DLL1: variants seen among roughly 807,000 people sequenced by gnomAD.
DLL1 encodes the protein delta-like protein 1.
DLL1 carries 9 observed loss-of-function variants against 75.1 expected under a neutral mutation model. The observed-to-expected ratio is 0.12, with a 90% CI of 0.07 to 0.21. The LOEUF (loss-of-function observed/expected upper bound fraction) is 0.21, where lower values mean the gene tolerates loss of function less well. Among genes scored for constraint, DLL1 ranks in the 10% least tolerant of loss-of-function variants. The pLI, the probability that DLL1 is intolerant of heterozygous loss-of-function variation, is 1.00. For synonymous variants in DLL1, 477 were observed against 418.3 expected, an observed-to-expected ratio of 1.14 and a Z score of -1.71; for missense variants, 837 against 1,007.6, an observed-to-expected ratio of 0.83 and a Z score of 2.29.
chr6:170,286,302 C>A lies in DLL1; in HGVS notation c.671-4G>T. On this transcript the variant is annotated splice_region_variant and splice_polypyrimidine_tract_variant and intron_variant, in intron 4 of 10. Coordinates refer to ENST00000366756, the MANE Select transcript of DLL1 (RefSeq NM_005618.4). The stretch of plus-strand genomic sequence containing the variant: ...TCACATCCAGGCAGGCAGATCGCTA[C>A]AAGCAAAGGAAAAACAGGGTCAAGC... The A allele has an allele frequency of 6.2e-7, 1 of 1,614,188 alleles. No individual in the cohort carries two copies. Among genetic ancestry groups the A allele is most frequent in the Non-Finnish European group, 8.5e-7 (1 of 1,180,040 alleles).
chr6:170,285,559 G>T lies in DLL1; in HGVS notation c.862+10C>A. On this transcript the variant is annotated intron_variant, in intron 6 of 10. Transcript: ENST00000366756. ...GAGGGAGCAGGCTGCCTCAGGGAGA[G>T]AAGGCTTACCCTGGTTGCAGAAAAG... The T allele has an allele frequency of 6.2e-7, 1 of 1,614,178 alleles. No homozygotes were observed. The highest frequency in any genetic ancestry group is 8.5e-7 in the Non-Finnish European group (1 of 1,180,030).
In DLL1 at chr6:170,283,909, G is replaced by C. The variant is rs770545429; in HGVS notation, c.1370C>G (p.Thr457Ser). 28 of 1,603,674 alleles carry C rather than the reference G, an allele frequency of 1.7e-5. No homozygotes were observed. The highest frequency in any genetic ancestry group is 2.3e-5 in the Non-Finnish European group (27 of 1,178,040). ...GAAGTCGTTCACGCCATCCCGGCAG[G>C]TGCCCCCGTTGGCGCACGGGGAGGA... ...CASSPCANGGTCRDGVNDFSC... is the reference protein window; with the variant it reads ...CASSPCANGGSCRDGVNDFSC... Residue 457 changes from threonine (T) to serine (S), a missense_variant, in exon 9 of 11, where the codon ACC becomes AGC. Transcript: ENST00000366756.
At chr6:170,289,114 TG>T in intron 2 of DLL1, 1 of 574,666 alleles carries the variant, frequency 1.7e-6, no homozygotes, top group Non-Finnish European at 3.1e-6. Flanking sequence ...TCATTTTTCT[TG>T]GGGGATGGGC....
rs375576760 is a variant in DLL1 at position 170,285,296 on chromosome 6, G to A, written c.990C>T (p.Asp330=). ...TCTTACAAGGGCTGGGGTCACACTC[G>A]TCAATCCCCAGCTCGCAGGTGGCAC... is the stretch of plus-strand genomic sequence containing the variant. ...YTGATCELGI[D]ECDPSPCKNG... Residue 330 remains aspartate, a synonymous_variant, in exon 7 of 11, where the codon GAC becomes GAT. Coordinates refer to ENST00000366756, the MANE Select transcript of DLL1 (RefSeq NM_005618.4). The A allele has an allele frequency of 1.9e-4, 299 of 1,614,156 alleles. No homozygotes were observed. The highest frequency in any genetic ancestry group is 1.4e-3 in the South Asian group (123 of 91,080).
intron 4 of DLL1, among the ~76,000 whole-genome samples, chr6:170,287,587 G>T (rs1374093615): frequency 6.6e-6 from 1 of 152,230 alleles, no homozygotes; most frequent in Non-Finnish European, 1.5e-5. Flanking sequence ...TAGAGCCTCT[G>T]TCACTATTGG....
In DLL1 at chr6:170,290,357, A is replaced by T; in HGVS notation, c.-218T>A. 2.3e-6 allele frequency: 1 copy of T among 442,176 alleles called. No individual in the cohort carries two copies. The allele number at this position is 442,176 out of a possible 1,614,324, so 27.4% of individuals were successfully genotyped here. The stretch of plus-strand genomic sequence containing the variant: ...TATCCGCCCTGCGAGGTCCCGCGGC[A>T]GCCCCAGGGATGCCCGAGGAAAGGC... On this transcript the variant is annotated 5_prime_UTR_variant, in exon 1 of 11. Transcript: ENST00000366756. This position sits in a 1 kb window ranked among gnomAD's most constrained non-coding sequence, Gnocchi z 4.7.
Position 170,290,219 on chromosome 6 carries a change from G to C in DLL1, c.-80C>G. ...GCGGCGGACGCGCGGGGGATCGATG[G>C]GCCACGGGGAGCGTGGGCAGAAAAG... On this transcript the variant is annotated 5_prime_UTR_variant, in exon 1 of 11. Coordinates refer to ENST00000366756, the MANE Select transcript of DLL1 (RefSeq NM_005618.4). The surrounding 1 kb of genome is among the most constrained non-coding windows in gnomAD (Gnocchi z 4.7). 1.3e-6 allele frequency: 2 copies of C among 1,536,636 alleles called. No homozygotes were observed. Among genetic ancestry groups the C allele is most frequent in the Non-Finnish European group, 1.8e-6 (2 of 1,138,290 alleles).
At chr6:170,285,759 T>G in intron 5 of DLL1, 60 bp from the exon 6 acceptor site, 1 of 1,608,594 alleles carries the variant, frequency 6.2e-7, no homozygotes, top group Non-Finnish European at 8.5e-7. Flanking sequence ...GCAGTGGACA[T>G]TCTCACCCTA....
rs1041828403 is a variant in DLL1, at chr6:170,290,516, AAG to A, written c.-379_-378del. ...CAGGAGAGGGAGGGGGAGAAAGAGA[AAG>A]AGAGAGAGTCCAGAGATTGAGCTTA... On this transcript the variant is annotated 5_prime_UTR_variant, in exon 1 of 11. Transcript: ENST00000366756. The surrounding 1 kb of genome is among the most constrained non-coding windows in gnomAD (Gnocchi z 4.7). 3 of 265,168 alleles carry A rather than the reference AAG, an allele frequency of 1.1e-5. No homozygotes were observed. Among genetic ancestry groups the A allele is most frequent in the South Asian group, 9.0e-5 (1 of 11,094 alleles). The allele number at this position is 265,168 out of a possible 1,614,324, so 16.4% of individuals were successfully genotyped here.
In DLL1 at chr6:170,283,780, C is replaced by T. The variant is rs1031570240; in HGVS notation, c.1499G>A (p.Gly500Asp). ...GGCACACTCGCACACATAGCGGTGG[C>T]CCCTCTCGTGGCAGGTGGCCCCATT... Reference protein sequence around the residue: ...CHNGATCHERGHRYVCECARG... With the variant: ...CHNGATCHERDHRYVCECARG... The change falls in exon 9 of 11, where the codon GGC becomes GAC. Residue 500 changes from glycine (G) to aspartate (D), a missense_variant. Gly to Asp is a moderately conservative substitution (Grantham distance 94). Coordinates refer to ENST00000366756, the MANE Select transcript of DLL1 (RefSeq NM_005618.4). 8 of 1,593,380 alleles carry T rather than the reference C, an allele frequency of 5.0e-6. No homozygotes were observed. The highest frequency in any genetic ancestry group is 1.1e-5 in the South Asian group (1 of 88,736).
In DLL1 at chr6:170,283,685, G is replaced by A; in HGVS notation, c.1594C>T (p.Leu532Phe). ...CCCTGGCCCTCTAGCTTCTCAGTGA[G>A]GTCCACCACCGCTGGGCCCGGGGGC... Reference protein sequence around the residue: ...ELPPGPAVVDLTEKLEGQGGP... With the variant: ...ELPPGPAVVDFTEKLEGQGGP... Residue 532 changes from leucine to phenylalanine, a missense_variant, in exon 9 of 11, where the codon CTC becomes TTC. Physicochemically the swap from Leu to Phe is conservative, Grantham distance 22. Coordinates refer to ENST00000366756, the MANE Select transcript of DLL1 (RefSeq NM_005618.4). 1.3e-6 allele frequency: 2 copies of A among 1,566,952 alleles called. No individual in the cohort carries two copies. The highest frequency in any genetic ancestry group is 1.2e-5 in the South Asian group (1 of 85,508).
Position 170,289,772 on chromosome 6 carries a change from C to T in DLL1, c.91G>A (p.Glu31Lys). 1.3e-6 allele frequency: 2 copies of T among 1,556,628 alleles called. No individual in the cohort carries two copies. Among genetic ancestry groups the T allele is most frequent in the Non-Finnish European group, 1.7e-6 (2 of 1,149,940 alleles). The change falls in exon 2 of 11, where the codon GAG becomes AAG. Residue 31 changes from glutamate (E) to lysine (K), a missense_variant. Glu to Lys is a moderately conservative substitution (Grantham distance 56). Around this residue, in one of 2 missense-constraint regions of DLL1, gnomAD observed 304 missense variants for 461.9 expected, o/e 0.66. Coordinates refer to ENST00000366756, the MANE Select transcript of DLL1 (RefSeq NM_005618.4). ...AGCAGCCCCTTCTTGTTGACGAACT[C>T]CTGCAGCTTCAGTTCGAACACCCCA... The part of the protein sequence containing the change: ...SSGVFELKLQ[E>K]FVNKKGLLGN...
At chr6:170,284,779 G>A in intron 8 of DLL1, 140 bp downstream of exon 8, 2 of 896,370 alleles carry the variant, frequency 2.2e-6, no homozygotes, top group Non-Finnish European at 3.6e-6. Context: ...CTCAAAGATA[G>A]AGTTTCCATC....
In DLL1 at chr6:170,283,653, T is replaced by C. The variant is rs1783623752; in HGVS notation, c.1626A>G (p.Pro542=). 1 of 1,587,788 alleles carries C rather than the reference T, an allele frequency of 6.3e-7. No homozygotes were observed. The highest frequency in any genetic ancestry group is 8.6e-7 in the Non-Finnish European group (1 of 1,166,552). ...LTEKLEGQGG[P]FPWVAVCAGV... Reference sequence around the variant, plus strand: ...CGGCGCACACGGCCACCCAGGGGAATGGCCCGCCCTGGCCCTCTAGCTTCT... The same window carrying C: ...CGGCGCACACGGCCACCCAGGGGAACGGCCCGCCCTGGCCCTCTAGCTTCT... The change falls in exon 9 of 11, where the codon CCA becomes CCG. Residue 542 remains proline, a synonymous_variant. Coordinates refer to ENST00000366756, the MANE Select transcript of DLL1 (RefSeq NM_005618.4).
At position 170,290,514 on chromosome 6, in the gene DLL1, G is replaced by C; in HGVS notation, c.-375C>G. Reference sequence around the variant, plus strand: ...CGCAGGAGAGGGAGGGGGAGAAAGAGAAAGAGAGAGAGTCCAGAGATTGAG... The same window carrying C: ...CGCAGGAGAGGGAGGGGGAGAAAGACAAAGAGAGAGAGTCCAGAGATTGAG... On this transcript the variant is annotated 5_prime_UTR_variant, in exon 1 of 11. Coordinates refer to ENST00000366756, the MANE Select transcript of DLL1 (RefSeq NM_005618.4). This position sits in a 1 kb window ranked among gnomAD's most constrained non-coding sequence, Gnocchi z 4.7. 3.7e-6 allele frequency: 1 copy of C among 271,426 alleles called. No individual in the cohort carries two copies. 16.8% of individuals were successfully genotyped at this position (271,426 alleles called of 1,614,324 possible). A position where few individuals can be genotyped will look rare whatever the true frequency, so the allele number is the denominator to read the frequency against.
chr6:170,284,771 CAAAGAT>C, intron 8 of DLL1, 142 bp downstream of exon 8: 1 of 877,316 alleles, frequency 1.1e-6, no homozygotes, highest in South Asian at 1.4e-5. Flanking sequence ...TTTCCAGACT[CAAAGAT>C]AGAGTTTCCA....
intron 2 of DLL1, 152 bp from the exon 3 acceptor site, chr6:170,288,941 C>G: frequency 1.2e-6 from 1 of 819,960 alleles, no homozygotes; most frequent in Non-Finnish European, 2.1e-6. Flanking sequence ...CCACGCACCT[C>G]CTGCCTGCTC....
rs558202662 is a variant in DLL1 at position 170,290,442 on chromosome 6, C to G, written c.-303G>C. The G allele has an allele frequency of 1.6e-5, 6 of 383,400 alleles. No individual in the cohort carries two copies. Among genetic ancestry groups the G allele is most frequent in the South Asian group, 6.1e-5 (1 of 16,382 alleles). The allele number at this position is 383,400 out of a possible 1,614,324, so 23.7% of individuals were successfully genotyped here. A position where few individuals can be genotyped will look rare whatever the true frequency, so the allele number is the denominator to read the frequency against. On this transcript the variant is annotated 5_prime_UTR_variant, in exon 1 of 11. Coordinates refer to ENST00000366756, the MANE Select transcript of DLL1 (RefSeq NM_005618.4). This position sits in a 1 kb window ranked among gnomAD's most constrained non-coding sequence, Gnocchi z 4.7. ...CGTTTTCCTCCTTCCTCCCAGCCCC[C>G]GAGGAGGTGAGGGTCGCCGGCTTCC...
Position 170,283,956 on chromosome 6 carries a change from G to A in DLL1, c.1323C>T (p.Asp441=), listed in dbSNP as rs12214318. ...AGGAGGCGCAGTCGTCCACGTTGTC[G>A]TCACAGTGCCTCCCCGAGAAGCCGG... The part of the protein sequence containing the change: ...CQAGFSGRHC[D]DNVDDCASSP... The change falls in exon 9 of 11, where the codon GAC becomes GAT. Residue 441 remains aspartate, a synonymous_variant. Coordinates refer to ENST00000366756, the MANE Select transcript of DLL1 (RefSeq NM_005618.4). 9.3e-5 allele frequency: 148 copies of A among 1,590,642 alleles called. No individual in the cohort carries two copies. The highest frequency in any genetic ancestry group is 3.6e-4 in the African/African-American group (27 of 74,630).
Sources: allele counts gnomAD v4.1 joint callset (sites outside exome capture counted in the v4.1 genomes callset), GRCh38; gene constraint gnomAD v4.1.1; regional missense constraint gnomAD v4.1.1; non-coding constraint Gnocchi (gnomAD v3.1); transcripts MANE v1.5; gene names NCBI Gene and HGNC (gene_info 2026-07-23, HGNC 2026-07-21).